The following DAB1 variants were observed in gnomAD, a reference collection of about 807,000 sequenced individuals.
The protein encoded by DAB1 is disabled homolog 1.
In DAB1, 15 loss-of-function variants were observed where a neutral mutation model predicts 64.6. That is an observed-to-expected ratio of 0.23 (90% confidence interval 0.16 to 0.36). The LOEUF (loss-of-function observed/expected upper bound fraction) is 0.36, where lower values mean the gene tolerates loss of function less well. Ranked by LOEUF, DAB1 falls within the 10% of genes least tolerant of loss-of-function variation. DAB1 has a pLI of 1.00. For synonymous variants in DAB1, 235 were observed against 251.9 expected, an observed-to-expected ratio of 0.93 and a Z score of 0.64; for missense variants, 596 against 706.7, an observed-to-expected ratio of 0.84 and a Z score of 1.78.
intron 2 of DAB1, among the ~76,000 whole-genome samples, chr1:57,176,662 T>C (rs1406550274): frequency 6.6e-6 from 1 of 152,160 alleles, no homozygotes; most frequent in African/African-American, 2.4e-5. Flanking sequence ...TAGGACAATT[T>C]GGCTGATTTG....
chr1:57,841,911 G>A (rs976146051), intron 1 of DAB1, among the ~76,000 whole-genome samples: 1 of 152,208 alleles, frequency 6.6e-6, no homozygotes, highest in African/African-American at 2.4e-5. Context: ...TCTGCAGGCA[G>A]CTTGAATTTC....
intron 1 of DAB1, among the ~76,000 whole-genome samples, chr1:57,322,527 C>CT (rs1323569373): frequency 1.3e-5 from 2 of 152,172 alleles, no homozygotes; most frequent in African/African-American, 2.4e-5. Flanking sequence ...TTCTGAACCA[C>CT]TTTTTCTGCC....
At chr1:57,914,523 T>A (rs900701164) in intron 5 of DAB1, among the ~76,000 whole-genome samples, 1 of 152,180 alleles carries the variant, frequency 6.6e-6, no homozygotes, top group Admixed American at 6.5e-5. Flanking sequence ...TATACATATG[T>A]AACAAACCTG....
chr1:58,206,939 G>A (rs1283536964), intron 4 of DAB1, among the ~76,000 whole-genome samples: 1 of 152,182 alleles, frequency 6.6e-6, no homozygotes, highest in Admixed American at 6.5e-5. Context: ...TGATGAGGCT[G>A]TTTTTAGCCT....
intron 6 of DAB1, among the ~76,000 whole-genome samples, chr1:57,771,111 A>G (rs1375370418): frequency 6.6e-6 from 1 of 152,190 alleles, no homozygotes; most frequent in African/African-American, 2.4e-5. Flanking sequence ...CATGCCCCAT[A>G]CCTGGGAAGT....
chr1:57,044,435 T>C (rs562278249), intron 9 of DAB1, among the ~76,000 whole-genome samples: 1 of 152,282 alleles, frequency 6.6e-6, no homozygotes, highest in South Asian at 2.1e-4. Flanking sequence ...ACAGAAACTA[T>C]AAAACGATAA....
At chr1:58,121,563 C>T (rs747144546) in intron 5 of DAB1, among the ~76,000 whole-genome samples, 1 of 151,996 alleles carries the variant, frequency 6.6e-6, no homozygotes, top group Non-Finnish European at 1.5e-5. Flanking sequence ...TAGAATACAC[C>T]CCTCACTCTT....
intron 7 of DAB1, among the ~76,000 whole-genome samples, chr1:57,496,265 T>C (rs1644228719): frequency 6.6e-6 from 1 of 152,158 alleles, no homozygotes; most frequent in Non-Finnish European, 1.5e-5. Flanking sequence ...AGACCTTGTG[T>C]TCTAGTGAGG....
chr1:57,193,386 T>TTTTTTTG (rs1664325280), intron 2 of DAB1, among the ~76,000 whole-genome samples: 1 of 131,348 alleles, frequency 7.6e-6, no homozygotes, highest in Non-Finnish European at 1.6e-5. Flanking sequence ...CATATGTTTT[T>TTTTTTTG]TTTTTTTTTT....
At chr1:57,280,926 A>G (rs1408446360) in intron 2 of DAB1, among the ~76,000 whole-genome samples, 1 of 152,222 alleles carries the variant, frequency 6.6e-6, no homozygotes, top group Non-Finnish European at 1.5e-5. Flanking sequence ...CAGGTGAGGA[A>G]CTCATAGTTA....
At chr1:57,403,700 T>G (rs1683419295) in intron 1 of DAB1, among the ~76,000 whole-genome samples, 1 of 152,156 alleles carries the variant, frequency 6.6e-6, no homozygotes, top group South Asian at 2.1e-4. Flanking sequence ...TTTTTATGGA[T>G]ATGTCAGTAT....
intron 6 of DAB1, among the ~76,000 whole-genome samples, chr1:57,754,013 G>A (rs1192434708): frequency 6.6e-6 from 1 of 152,182 alleles, no homozygotes; most frequent in African/African-American, 2.4e-5. Context: ...CCCAGAGAGT[G>A]AACTAACTTG....
chr1:58,452,024 C>G (rs1027204849), intron 3 of DAB1, among the ~76,000 whole-genome samples: 8 of 151,972 alleles, frequency 5.3e-5, no homozygotes, highest in African/African-American at 1.9e-4. Context: ...GCCCCGCCCC[C>G]TGGGTTCAAG....
chr1:57,648,471 G>T (rs985396558), intron 7 of DAB1, among the ~76,000 whole-genome samples: 4 of 152,082 alleles, frequency 2.6e-5, no homozygotes, highest in Non-Finnish European at 5.9e-5. Flanking sequence ...TCAGTAAAAA[G>T]GTTTCTCAGC....
At chr1:57,969,075 G>A (rs1000225337) in intron 5 of DAB1, among the ~76,000 whole-genome samples, 9 of 152,030 alleles carry the variant, frequency 5.9e-5, no homozygotes, top group African/African-American at 1.7e-4. Flanking sequence ...GTCTGGTTAC[G>A]TGATCACCAT....
chr1:58,420,900 G>A (rs1644765329), intron 3 of DAB1, among the ~76,000 whole-genome samples: 1 of 152,130 alleles, frequency 6.6e-6, no homozygotes, highest in Admixed American at 6.5e-5. Context: ...AATAAACGCA[G>A]CTCCCTGGTA....
At chr1:58,096,964 T>G (rs1296386676) in intron 5 of DAB1, among the ~76,000 whole-genome samples, 1 of 152,212 alleles carries the variant, frequency 6.6e-6, no homozygotes, top group Non-Finnish European at 1.5e-5. Context: ...GAGTCTCCCC[T>G]GTCATGTGAA....
Position 57,533,547 on chromosome 1 carries a change from A to ATATATATATATATATATATATATATATG in DAB1, n.625+116044_625+116045insCATATATATATATATATATATATATATA, listed in dbSNP as rs1644690263. Among the ~76,000 whole-genome samples, 5 of 12,566 alleles carry ATATATATATATATATATATATATATATG rather than the reference A, an allele frequency of 4.0e-4. No individual in the cohort carries two copies. In the South Asian group the frequency reaches 0.026, roughly 65 times the overall value. 8.2% of individuals were successfully genotyped at this position (12,566 alleles called of 152,430 possible). A position where few individuals can be genotyped will look rare whatever the true frequency, so the allele number is the denominator to read the frequency against. On this transcript the variant is annotated intron_variant and non_coding_transcript_variant, in intron 7 of 20. Transcript: ENST00000485760. ...TAGAAAATTCATAACAGGTATATAT[A>ATATATATATATATATATATATATATATG]TATATATATATATATATATGTATAT...
intron 4 of DAB1, among the ~76,000 whole-genome samples, chr1:58,238,691 G>C (rs2100371579): frequency 6.6e-6 from 1 of 152,308 alleles, no homozygotes; most frequent in Non-Finnish European, 1.5e-5. Context: ...AAGCAGGGCA[G>C]TGGTACTTCC....
Sources: allele counts gnomAD v4.1 joint callset (sites outside exome capture counted in the v4.1 genomes callset), GRCh38; gene constraint gnomAD v4.1.1; transcripts MANE v1.5; gene names NCBI Gene and HGNC (gene_info 2026-07-23, HGNC 2026-07-21).